MAP4K3: variants seen among roughly 807,000 people sequenced by gnomAD.
MAP4K3 encodes the protein mitogen-activated protein kinase kinase kinase kinase 3, also known as MAPK/ERK kinase kinase kinase 3.
MAP4K3 carries 94 observed loss-of-function variants against 143.5 expected under a neutral mutation model. The ratio of observed to expected loss-of-function variants is 0.65; its 90% CI spans 0.55 to 0.78. The LOEUF (loss-of-function observed/expected upper bound fraction) is 0.78. Ranked by LOEUF, MAP4K3 falls within the 30% of genes least tolerant of loss-of-function variation. The probability of loss-of-function intolerance (pLI) is 0.00; values close to 1 mark genes in which losing one functional copy is unlikely to be tolerated. For missense variants in MAP4K3, 1,077 were observed against 1,068.1 expected (o/e 1.01, Z -0.12); for synonymous variants, 416 against 347.2 (o/e 1.20, Z -2.20).
intron 4 of MAP4K3, among the ~76,000 whole-genome samples, chr2:39,340,368 A>C (rs908052842): frequency 6.6e-6 from 1 of 152,342 alleles, no homozygotes; most frequent in South Asian, 2.1e-4. Context: ...ACACAGAGAA[A>C]GATAGGATTT....
intron 15 of MAP4K3, among the ~76,000 whole-genome samples, chr2:39,304,148 A>ATTT (rs58878976): frequency 1.5e-4 from 22 of 143,962 alleles, no homozygotes; most frequent in African/African-American, 5.6e-4. Context: ...TAATTATCTG[A>ATTT]TTTTTTTTTT....
chr2:39,282,088 G>A (rs1331160731), intron 22 of MAP4K3, among the ~76,000 whole-genome samples: 3 of 151,578 alleles, frequency 2.0e-5, no homozygotes, highest in East Asian at 3.9e-4. Context: ...CCAGCTACTC[G>A]AGAGGCTGAG....
chr2:39,412,173 C>T (rs1348995734), intron 1 of MAP4K3, among the ~76,000 whole-genome samples: 1 of 152,162 alleles, frequency 6.6e-6, no homozygotes, highest in Non-Finnish European at 1.5e-5. Context: ...AGTCAGAGAA[C>T]ATACTTTCAG....
At chr2:39,415,522 C>T (rs1362987404) in intron 1 of MAP4K3, among the ~76,000 whole-genome samples, 2 of 152,028 alleles carry the variant, frequency 1.3e-5, no homozygotes, top group East Asian at 1.9e-4. Context: ...GATAACCGTA[C>T]GTATTACTTC....
At chr2:39,322,802 T>C (rs1205097402) in intron 12 of MAP4K3, among the ~76,000 whole-genome samples, 1 of 151,852 alleles carries the variant, frequency 6.6e-6, no homozygotes, top group Non-Finnish European at 1.5e-5. Flanking sequence ...CCTGAATAGC[T>C]GGGATTACAC....
At chr2:39,436,744 G>C (rs1244792080) in intron 1 of MAP4K3, 148 bp downstream of exon 1, 10 of 657,918 alleles carry the variant, frequency 1.5e-5, no homozygotes, top group Non-Finnish European at 2.7e-5. Context: ...CACCAAGGCA[G>C]CAGAGCCCTT....
At chr2:39,333,610 T>TA in intron 6 of MAP4K3, 36 bp from the exon 7 acceptor site, 1 of 1,252,092 alleles carries the variant, frequency 8.0e-7, no homozygotes, top group South Asian at 1.2e-5. Context: ...GAGTAGGAAA[T>TA]AGATATTTTA....
chr2:39,373,068 T>C (rs932113044), intron 2 of MAP4K3, among the ~76,000 whole-genome samples: 3 of 152,082 alleles, frequency 2.0e-5, no homozygotes, highest in Non-Finnish European at 4.4e-5. Flanking sequence ...CCAGATTATA[T>C]AAGGAGCTCA....
chr2:39,376,985 G>A (rs1043142891), intron 2 of MAP4K3, among the ~76,000 whole-genome samples: 3 of 152,094 alleles, frequency 2.0e-5, no homozygotes, highest in Admixed American at 1.3e-4. Flanking sequence ...CATAAAATCT[G>A]TAAATATGTA....
In MAP4K3 at chr2:39,264,345, G is replaced by C. The variant is rs983181895; in HGVS notation, c.2136+858C>G. On this transcript the variant is annotated intron_variant, in intron 28 of 33. Transcript: ENST00000263881. ...TACCTGTGAAATTAATACTTCAATA[G>C]GTTTCAAATTCTTGAAACTATATTT... Among the ~76,000 whole-genome samples, 11 of 152,196 alleles carry C rather than the reference G, an allele frequency of 7.2e-5. No individual in the cohort carries two copies. In the East Asian group the frequency reaches 1.2e-3, roughly 16 times the overall value.
rs201570057 is a variant in MAP4K3 at position 39,378,119 on chromosome 2, C to A, written c.101G>T (p.Arg34Leu). Residue 34 changes from arginine to leucine, a missense_variant, in exon 2 of 34, where the codon CGG (arginine) becomes CTG (leucine). Transcript: ENST00000263881. ...TGCTAATTCACCAGTGTTAACATTC[C>A]GTGCCTAAAAGAAAGAGGAAAAAAG... ...SGTYGDVYKA[R>L]NVNTGELAAI... 5 of 1,576,474 alleles carry A rather than the reference C, an allele frequency of 3.2e-6. No homozygotes were observed. Among genetic ancestry groups the A allele is most frequent in the Non-Finnish European group, 4.3e-6 (5 of 1,160,330 alleles).
chr2:39,361,543 G>A (rs1665771172), intron 2 of MAP4K3, among the ~76,000 whole-genome samples: 1 of 150,888 alleles, frequency 6.6e-6, no homozygotes, highest in Non-Finnish European at 1.5e-5. Flanking sequence ...TGAAAAAAAG[G>A]CAGAAACAAT....
intron 21 of MAP4K3, among the ~76,000 whole-genome samples, chr2:39,285,156 C>T (rs555985787): frequency 6.6e-6 from 1 of 152,234 alleles, no homozygotes; most frequent in Non-Finnish European, 1.5e-5. Flanking sequence ...CCACTGAAAG[C>T]ACTGGGATTA....
intron 1 of MAP4K3, among the ~76,000 whole-genome samples, chr2:39,389,426 C>T (rs372519346): frequency 2.0e-5 from 3 of 152,118 alleles, no homozygotes; most frequent in African/African-American, 7.2e-5. Flanking sequence ...AAAGACAAAA[C>T]CTCAGATTCA....
chr2:39,294,114 A>C (rs59262744), intron 16 of MAP4K3: 2 of 152,044 alleles, frequency 1.3e-5, no homozygotes, highest in African/African-American at 4.8e-5. Flanking sequence ...ATAGTTACTA[A>C]TATACTACTG....
Position 39,260,953 on chromosome 2 carries a change from G to T in MAP4K3, c.2137-176C>A, listed in dbSNP as rs140150597. ...TTATAAACATTTTAGGTTTACCACCGCAAAATATTTTAAAGTTATAATTAC... is the reference window on the plus strand; with the variant it reads ...TTATAAACATTTTAGGTTTACCACCTCAAAATATTTTAAAGTTATAATTAC... On this transcript the variant is annotated intron_variant, in intron 28 of 33. Transcript: ENST00000263881. 3.0e-5 allele frequency: 16 copies of T among 529,864 alleles called. No homozygotes were observed. The East Asian group carries it at 4.8e-4, about 16-fold the overall frequency. 32.8% of individuals were successfully genotyped at this position (529,864 alleles called of 1,614,324 possible). A position where few individuals can be genotyped will look rare whatever the true frequency, so the allele number is the denominator to read the frequency against.
At chr2:39,278,705 G>A (rs755100980) in intron 23 of MAP4K3, among the ~76,000 whole-genome samples, 103 of 152,148 alleles carry the variant, frequency 6.8e-4, no homozygotes, top group Non-Finnish European at 1.2e-3. Context: ...TTATGTAAGG[G>A]AGGTTCTGAA....
intron 31 of MAP4K3, among the ~76,000 whole-genome samples, chr2:39,258,068 A>C (rs1423213568): frequency 1.3e-5 from 2 of 151,992 alleles, no homozygotes; most frequent in Non-Finnish European, 2.9e-5. Context: ...AGTAGCTCGG[A>C]CTACAGGCGT....
intron 15 of MAP4K3, among the ~76,000 whole-genome samples, chr2:39,307,044 T>G (rs539444713): frequency 1.3e-5 from 2 of 152,246 alleles, no homozygotes; most frequent in African/African-American, 4.8e-5. Flanking sequence ...AAATCTCTTT[T>G]ATATTTTACA....
Sources: allele counts gnomAD v4.1 joint callset (sites outside exome capture counted in the v4.1 genomes callset), GRCh38; gene constraint gnomAD v4.1.1; transcripts MANE v1.5; gene names NCBI Gene and HGNC (gene_info 2026-07-23, HGNC 2026-07-21).